Variants in GRM7 observed in about 807,000 individuals in gnomAD.
GRM7 encodes metabotropic glutamate receptor 7.
GRM7 carries 35 observed loss-of-function variants against 84.5 expected under a neutral mutation model. The observed-to-expected ratio is 0.41, with a 90% CI of 0.32 to 0.55. The LOEUF (loss-of-function observed/expected upper bound fraction) is 0.55, where lower values mean the gene tolerates loss of function less well. GRM7 is among the 20% of genes least tolerant of loss of function. GRM7 has a pLI of 0.19. For synonymous variants in GRM7, 487 were observed against 455.1 expected, an observed-to-expected ratio of 1.07 and a Z score of -0.89; for missense variants, 1,003 against 1,194.6, an observed-to-expected ratio of 0.84 and a Z score of 2.36.
chr3:6,865,506 A>G (rs6443074), intron 1 of GRM7, among the ~76,000 whole-genome samples: 8,593 of 151,816 alleles, frequency 0.057, 305 homozygotes, highest in Non-Finnish European at 0.081. Context: ...GACATGCTCT[A>G]CACTATAGAC....
chr3:7,250,859 G>T (rs957300464), intron 2 of GRM7, among the ~76,000 whole-genome samples: 1 of 152,164 alleles, frequency 6.6e-6, no homozygotes, highest in Non-Finnish European at 1.5e-5. Context: ...CAACTGGTGA[G>T]ATTTTTAAAG....
intron 2 of GRM7, among the ~76,000 whole-genome samples, chr3:7,204,422 T>C (rs1429298369): frequency 1.3e-5 from 2 of 152,244 alleles, no homozygotes; most frequent in African/African-American, 4.8e-5. Flanking sequence ...CCATCAATTA[T>C]TTAACCAGTC....
At chr3:6,973,935 G>C (rs1464760902) in intron 1 of GRM7, among the ~76,000 whole-genome samples, 1 of 152,136 alleles carries the variant, frequency 6.6e-6, no homozygotes, top group Non-Finnish European at 1.5e-5. Context: ...AGGCTGGTGT[G>C]TTAAGAATTG....
intron 7 of GRM7, among the ~76,000 whole-genome samples, chr3:7,532,507 CTCTTT>C (rs1701077289): frequency 6.6e-6 from 1 of 151,892 alleles, no homozygotes; most frequent in South Asian, 2.1e-4. Context: ...TGATTCTTCT[CTCTTT>C]TCTTCTTTAT....
chr3:7,142,416 A>G (rs1023304284), intron 1 of GRM7, among the ~76,000 whole-genome samples: 1 of 152,034 alleles, frequency 6.6e-6, no homozygotes, highest in Non-Finnish European at 1.5e-5. Flanking sequence ...GTGGAAGGCG[A>G]AGGGGAAGCA....
rs186680255 is a variant in GRM7 at position 6,865,308 on chromosome 3, G to A, written c.519+3401G>A. ...TGGAAGTAGAGAGGTTATATAATAC[G>A]GTGACCAATGGATAAATCTCCTCTG... On this transcript the variant is annotated intron_variant, in intron 1 of 9. Transcript: ENST00000357716. 5.3e-3 allele frequency among the ~76,000 whole-genome samples: 807 copies of A among 152,186 alleles called. 5 individuals carry two copies. The highest frequency in any genetic ancestry group is 8.0e-3 in the Admixed American group (122 of 15,280).
chr3:7,010,803 T>C (rs931653436), intron 1 of GRM7, among the ~76,000 whole-genome samples: 37 of 152,212 alleles, frequency 2.4e-4, no homozygotes, highest in African/African-American at 8.4e-4. Context: ...TCAGTCCCTT[T>C]TGTGGGAAAC....
chr3:7,062,962 G>A (rs1308395126), intron 1 of GRM7, among the ~76,000 whole-genome samples: 1 of 151,634 alleles, frequency 6.6e-6, no homozygotes, highest in East Asian at 1.9e-4. Flanking sequence ...AAGTTCCAAG[G>A]GACCATCTTA....
chr3:6,944,968 A>C lies in GRM7; in HGVS notation c.519+83061A>C, dbSNP rs147554003. ...TTATTATCCTTTTAATATCTGTAGA[A>C]TCTATAGTTATGTTGCCTCTCTCAT... On this transcript the variant is annotated intron_variant, in intron 1 of 9. Transcript: ENST00000357716. 4.7e-3 allele frequency among the ~76,000 whole-genome samples: 716 copies of C among 152,202 alleles called. 22 individuals are homozygous for C. The highest frequency in any genetic ancestry group is 0.043 in the Admixed American group (655 of 15,264).
At chr3:7,280,222 G>A (rs12637466) in intron 2 of GRM7, among the ~76,000 whole-genome samples, 56,166 of 152,030 alleles carry the variant, frequency 0.37, 10,882 homozygotes, top group Middle Eastern at 0.47. Context: ...TCAGTAAAAG[G>A]TAGCATGTTG....
chr3:7,647,293 A>C (rs756849368), intron 8 of GRM7, among the ~76,000 whole-genome samples: 69 of 152,202 alleles, frequency 4.5e-4, no homozygotes, highest in Non-Finnish European at 2.1e-4. Flanking sequence ...GAATGGGTAC[A>C]GACACTTCCC....
chr3:7,629,669 C>G (rs890054493), intron 8 of GRM7, among the ~76,000 whole-genome samples: 1 of 152,144 alleles, frequency 6.6e-6, no homozygotes, highest in Non-Finnish European at 1.5e-5. Flanking sequence ...TTAAGAACTG[C>G]CTTACGCTAA....
chr3:7,106,417 C>T (rs1369749873), intron 1 of GRM7, among the ~76,000 whole-genome samples: 1 of 151,370 alleles, frequency 6.6e-6, no homozygotes, highest in African/African-American at 2.4e-5. Context: ...ATATTGTAAT[C>T]ACATGCTGGG....
chr3:7,461,543 G>T (rs370893643), intron 6 of GRM7, 40 bp from the exon 7 acceptor site: 64 of 1,560,878 alleles, frequency 4.1e-5, no homozygotes, highest in Non-Finnish European at 5.4e-5. Flanking sequence ...AAGGAATCTT[G>T]TTTAACTTTA....
chr3:7,066,680 G>A lies in GRM7; in HGVS notation c.520-79772G>A, dbSNP rs1697678490. Among the ~76,000 whole-genome samples the A allele has an allele frequency of 4.0e-5, 6 of 151,838 alleles. No homozygotes were observed. In the South Asian group the frequency reaches 1.2e-3, roughly 31 times the overall value. ...TCTCCCTAATTCAGCTATGAAGCCAGCATCATCCTAATACCAAAAACCAGG... is the reference window on the plus strand; with the variant it reads ...TCTCCCTAATTCAGCTATGAAGCCAACATCATCCTAATACCAAAAACCAGG... On this transcript the variant is annotated intron_variant, in intron 1 of 9. Coordinates refer to ENST00000357716, the MANE Select transcript of GRM7 (RefSeq NM_000844.4).
chr3:7,068,450 A>G (rs1368235520), intron 1 of GRM7, among the ~76,000 whole-genome samples: 1 of 152,062 alleles, frequency 6.6e-6, no homozygotes, highest in Non-Finnish European at 1.5e-5. Flanking sequence ...GCTGATTTCA[A>G]CAAACTGTTT....
At chr3:7,176,729 T>C (rs1413274301) in intron 2 of GRM7, among the ~76,000 whole-genome samples, 1 of 152,204 alleles carries the variant, frequency 6.6e-6, no homozygotes, top group Non-Finnish European at 1.5e-5. Flanking sequence ...GCCAAGGCTT[T>C]GAGTTAATTA....
intron 8 of GRM7, among the ~76,000 whole-genome samples, chr3:7,673,107 G>T (rs2125133964): frequency 6.6e-6 from 1 of 152,212 alleles, no homozygotes. Flanking sequence ...GTTGTTACAT[G>T]CTAGTAACTG....
At position 7,170,475 on chromosome 3, in the gene GRM7, A is replaced by G. The variant is rs146007917; in HGVS notation, c.736+23807A>G. Among the ~76,000 whole-genome samples the G allele has an allele frequency of 8.5e-4, 129 of 152,194 alleles. 1 individual carries two copies. The highest frequency in any genetic ancestry group is 3.1e-3 in the African/African-American group (128 of 41,548). On this transcript the variant is annotated intron_variant, in intron 2 of 9. Coordinates refer to ENST00000357716, the MANE Select transcript of GRM7 (RefSeq NM_000844.4). ...GATGACTATCTTCCCTGAATGCCAGATTGTTTTTCCCCACTCTTGGGTTTG... is the reference window on the plus strand; with the variant it reads ...GATGACTATCTTCCCTGAATGCCAGGTTGTTTTTCCCCACTCTTGGGTTTG...
Sources: allele counts gnomAD v4.1 joint callset (sites outside exome capture counted in the v4.1 genomes callset), GRCh38; gene constraint gnomAD v4.1.1; transcripts MANE v1.5; gene names NCBI Gene and HGNC (gene_info 2026-07-23, HGNC 2026-07-21).